LMO7: variants seen among roughly 807,000 people sequenced by gnomAD.
LMO7 encodes the protein LIM domain 7.
LMO7 carries 120 observed loss-of-function variants against 206.5 expected under a neutral mutation model. The ratio of observed to expected loss-of-function variants is 0.58; its 90% CI spans 0.50 to 0.68. The LOEUF is 0.68. Ranked by LOEUF, LMO7 falls within the 30% of genes least tolerant of loss-of-function variation. The probability of loss-of-function intolerance (pLI) is 0.00; values close to 1 mark genes in which losing one functional copy is unlikely to be tolerated. For missense variants in LMO7, 1,959 were observed against 1,957.9 expected, an observed-to-expected ratio of 1.00 and a Z score of -0.01; for synonymous variants, 706 against 681.5, an observed-to-expected ratio of 1.04 and a Z score of -0.56.
intron 1 of LMO7, among the ~76,000 whole-genome samples, chr13:75,646,752 T>A (rs368105369): frequency 3.3e-5 from 5 of 151,814 alleles, no homozygotes; most frequent in African/African-American, 1.2e-4. Flanking sequence ...CCCGGCTGAT[T>A]TTTTGTATTT....
chr13:75,800,095 G>T (rs546511677), intron 6 of LMO7, among the ~76,000 whole-genome samples: 100 of 152,316 alleles, frequency 6.6e-4, no homozygotes, highest in African/African-American at 1.8e-3. Flanking sequence ...TTAGAACTAG[G>T]TTGTGTAATT....
chr13:75,736,308 A>G (rs905170053), intron 3 of LMO7, among the ~76,000 whole-genome samples: 25 of 152,356 alleles, frequency 1.6e-4, no homozygotes, highest in Admixed American at 4.6e-4. Context: ...GCTAAGCCCA[A>G]TTGGTTTAAA....
At chr13:75,667,390 T>C (rs1337323248) in intron 1 of LMO7, among the ~76,000 whole-genome samples, 7 of 152,178 alleles carry the variant, frequency 4.6e-5, no homozygotes, top group Admixed American at 2.6e-4. Flanking sequence ...CCAATTGTTA[T>C]CCAGTAATGT....
rs1309512704 is a variant in LMO7, at chr13:75,800,730, G to A, written c.509G>A (p.Gly170Asp). The change falls in exon 7 of 31, where the codon GGC becomes GAC. Residue 170 changes from glycine (G) to aspartate (D), a missense_variant. Physicochemically the swap from Gly to Asp is moderately conservative, Grantham distance 94 (BLOSUM62 -1). Transcript: ENST00000377534. ...SFLKRSGRDSGYGDIWCPERG... is the reference protein window; with the variant it reads ...SFLKRSGRDSDYGDIWCPERG... ...CTGAAAAGAAGTGGCAGGGACAGTG[G>A]CTACGGTGACATCTGGTGTCCTGAA... The A allele has an allele frequency of 1.2e-6, 2 of 1,614,100 alleles. No individual in the cohort carries two copies. Among genetic ancestry groups the A allele is most frequent in the South Asian group, 2.2e-5 (2 of 91,086 alleles).
At chr13:75,755,894 G>A (rs945860174) in intron 3 of LMO7, among the ~76,000 whole-genome samples, 3 of 152,126 alleles carry the variant, frequency 2.0e-5, no homozygotes, top group African/African-American at 4.8e-5. Context: ...GATTCTTCTT[G>A]TGGATTATAG....
At chr13:75,779,341 T>TG (rs5804835) in intron 4 of LMO7, among the ~76,000 whole-genome samples, 17,432 of 151,974 alleles carry the variant, frequency 0.11, 1,146 homozygotes, top group Middle Eastern at 0.2. Flanking sequence ...GAGATGGGGA[T>TG]GGGGGGAGAA....
At chr13:75,734,243 G>A (rs1375976639) in intron 3 of LMO7, among the ~76,000 whole-genome samples, 4 of 152,108 alleles carry the variant, frequency 2.6e-5, no homozygotes, top group Non-Finnish European at 4.4e-5. Context: ...CTACTCAGAC[G>A]GGGTAAGACA....
intron 1 of LMO7, among the ~76,000 whole-genome samples, chr13:75,675,874 G>A (rs566506889): frequency 7.3e-6 from 1 of 137,122 alleles, no homozygotes; most frequent in African/African-American, 2.7e-5. Context: ...CTTGTAAAAC[G>A]CGTGCACGAG....
chr13:75,703,152 T>TC (rs959055694), intron 1 of LMO7, among the ~76,000 whole-genome samples: 2 of 152,016 alleles, frequency 1.3e-5, no homozygotes, highest in African/African-American at 2.4e-5. Flanking sequence ...AACTCCCTCA[T>TC]CCCCCCCAAC....
Position 75,670,966 on chromosome 13 carries a change from C to CTTTTTTTTTTTTTTTTTTTTTTTTTTT in LMO7, c.69+34257_69+34258insTTTTTTTTTTTTTTTTTTTTTTTTTTT, listed in dbSNP as rs552236505. On this transcript the variant is annotated intron_variant, in intron 1 of 30. Transcript: ENST00000377534. ...TACCTTTTTTTTTTAATGTTTAAAA[C>CTTTTTTTTTTTTTTTTTTTTTTTTTTT]TTTTTTTTTTTTTTTTTACTATTTA... Among the ~76,000 whole-genome samples, 5 of 100,086 alleles carry CTTTTTTTTTTTTTTTTTTTTTTTTTTT rather than the reference C, an allele frequency of 5.0e-5. 1 individual carries two copies. The highest frequency in any genetic ancestry group is 7.1e-3 in the Middle Eastern group (1 of 140). 65.7% of individuals were successfully genotyped at this position (100,086 alleles called of 152,430 possible). A position where few individuals can be genotyped will look rare whatever the true frequency, so the allele number is the denominator to read the frequency against.
intron 21 of LMO7, 117 bp from the exon 22 acceptor site, chr13:75,840,274 G>T: frequency 7.2e-7 from 1 of 1,381,878 alleles, no homozygotes; most frequent in South Asian, 1.2e-5. Context: ...GCTCTCCCTT[G>T]GTACAGTTTA....
chr13:75,652,614 AGTGTGTGTGTGTGTGTGTGT>A (rs59671117), intron 1 of LMO7, among the ~76,000 whole-genome samples: 69 of 137,946 alleles, frequency 5.0e-4, no homozygotes, highest in Non-Finnish European at 1.0e-3. Flanking sequence ...CCACAAGTTC[AGTGTGTGTGTGTGTGTGTGT>A]GTGTGTGTGT....
At chr13:75,774,257 C>T (rs2050103224) in intron 4 of LMO7, among the ~76,000 whole-genome samples, 2 of 152,076 alleles carry the variant, frequency 1.3e-5, no homozygotes, top group Admixed American at 1.3e-4. Flanking sequence ...CAGTATAGTT[C>T]ATTATAGTGT....
intron 19 of LMO7, among the ~76,000 whole-genome samples, chr13:75,836,979 G>T (rs1674403405): frequency 6.6e-6 from 1 of 152,084 alleles, no homozygotes; most frequent in Non-Finnish European, 1.5e-5. Context: ...TGCCCATCCA[G>T]AAATAATTTA....
intron 1 of LMO7, among the ~76,000 whole-genome samples, chr13:75,649,181 T>C (rs1337597928): frequency 6.6e-6 from 1 of 152,194 alleles, no homozygotes; most frequent in Non-Finnish European, 1.5e-5. Context: ...GACCAAATAC[T>C]GGATATCGAT....
intron 3 of LMO7, among the ~76,000 whole-genome samples, chr13:75,756,117 T>C (rs1020449680): frequency 6.6e-6 from 1 of 152,268 alleles, no homozygotes; most frequent in East Asian, 1.9e-4. Flanking sequence ...AGTTCTTAGA[T>C]TCAAGACGGT....
At chr13:75,800,363 C>T (rs140264196) in intron 6 of LMO7, among the ~76,000 whole-genome samples, 1 of 152,230 alleles carries the variant, frequency 6.6e-6, no homozygotes, top group Middle Eastern at 3.4e-3. Flanking sequence ...TTCAATGTTA[C>T]TCTATGAACT....
intron 1 of LMO7, among the ~76,000 whole-genome samples, chr13:75,686,307 A>C (rs2040986733): frequency 6.6e-6 from 1 of 152,172 alleles, no homozygotes; most frequent in Admixed American, 6.5e-5. Context: ...ACAAGAGAAG[A>C]GAGAGAACTC....
In LMO7 at chr13:75,776,496, T is replaced by C. The variant is rs555556387; in HGVS notation, c.317+15458T>C. On this transcript the variant is annotated intron_variant, in intron 4 of 30. Coordinates refer to ENST00000377534, the MANE Select transcript of LMO7 (RefSeq NM_001306080.2). ...TGATTTGAAAGCTTTTTAAAAAACTTCTTGGAATAGCTTTTATGAATGACT... is the reference window on the plus strand; with the variant it reads ...TGATTTGAAAGCTTTTTAAAAAACTCCTTGGAATAGCTTTTATGAATGACT... 1.7e-4 allele frequency among the ~76,000 whole-genome samples: 26 copies of C among 152,132 alleles called. No individual in the cohort carries two copies. In the South Asian group the frequency reaches 5.4e-3, roughly 32 times the overall value.
Sources: allele counts gnomAD v4.1 joint callset (sites outside exome capture counted in the v4.1 genomes callset), GRCh38; gene constraint gnomAD v4.1.1; transcripts MANE v1.5; gene names NCBI Gene and HGNC (gene_info 2026-07-23, HGNC 2026-07-21).